Variants in RALYL observed in about 807,000 individuals in gnomAD.
RALYL encodes RALY RNA binding protein like, also known as RNA-binding Raly-like protein.
RALYL carries 29 observed loss-of-function variants against 35.1 expected under a neutral mutation model. That is an observed-to-expected ratio of 0.83 (90% CI 0.61 to 1.13). The LOEUF is 1.13. Ranked by LOEUF, RALYL falls within the 50% of genes most tolerant of loss-of-function variation. RALYL has a pLI of 0.00. For synonymous variants in RALYL, 120 were observed against 127.6 expected, an observed-to-expected ratio of 0.94 and a Z score of 0.40; for missense variants, 359 against 360.4, an observed-to-expected ratio of 1.00 and a Z score of 0.03.
At chr8:84,476,468 C>G (rs983498549) in intron 1 of RALYL, among the ~76,000 whole-genome samples, 3 of 152,160 alleles carry the variant, frequency 2.0e-5, no homozygotes, top group Non-Finnish European at 4.4e-5. Flanking sequence ...TTTATCTTAT[C>G]AAATTGCTGC....
At chr8:84,394,469 G>C (rs1012752500) in intron 1 of RALYL, among the ~76,000 whole-genome samples, 2 of 152,072 alleles carry the variant, frequency 1.3e-5, no homozygotes, top group African/African-American at 4.8e-5. Flanking sequence ...CATAGTGCAA[G>C]AATACAGTTT....
At position 84,824,403 on chromosome 8, in the gene RALYL, G is replaced by GA. The variant is rs1586571025; in HGVS notation, c.365+19607dup. Among the ~76,000 whole-genome samples, 3 of 152,168 alleles carry GA rather than the reference G, an allele frequency of 2.0e-5. No individual in the cohort carries two copies. In the East Asian group the frequency reaches 5.8e-4, roughly 29 times the overall value. The stretch of plus-strand genomic sequence containing the variant: ...AAAACATTCTATGGCTCATGAATTG[G>GA]AAAAAATCAATATCTTTAAAATGGC... On this transcript the variant is annotated intron_variant, in intron 4 of 8. Coordinates refer to ENST00000521268, the MANE Select transcript of RALYL (RefSeq NM_173848.7).
At chr8:84,368,072 C>T (rs1055013429) in intron 1 of RALYL, among the ~76,000 whole-genome samples, 1 of 152,168 alleles carries the variant, frequency 6.6e-6, no homozygotes, top group Non-Finnish European at 1.5e-5. Flanking sequence ...AAGTCTCCAA[C>T]TCGTGATACA....
intron 2 of RALYL, among the ~76,000 whole-genome samples, chr8:84,556,126 T>G (rs2061100536): frequency 6.6e-6 from 1 of 152,174 alleles, no homozygotes; most frequent in African/African-American, 2.4e-5. Flanking sequence ...TTAATGTGAT[T>G]AAGGACAAGA....
intron 2 of RALYL, among the ~76,000 whole-genome samples, chr8:84,536,168 T>G (rs186388884): frequency 6.6e-6 from 1 of 152,248 alleles, no homozygotes; most frequent in Admixed American, 6.5e-5. Flanking sequence ...ACACTGACTT[T>G]TAGAGGTGTG....
intron 1 of RALYL, among the ~76,000 whole-genome samples, chr8:84,437,981 G>C (rs2047924203): frequency 2.0e-5 from 3 of 152,060 alleles, no homozygotes; most frequent in African/African-American, 7.2e-5. Flanking sequence ...TTTCTTTATA[G>C]CAATGCAAGA....
At chr8:84,340,229 G>A (rs149471476) in intron 1 of RALYL, among the ~76,000 whole-genome samples, 1 of 151,888 alleles carries the variant, frequency 6.6e-6, no homozygotes, top group Non-Finnish European at 1.5e-5. Context: ...TATGAAAATG[G>A]ACTAATACAT....
intron 1 of RALYL, among the ~76,000 whole-genome samples, chr8:84,274,215 A>G (rs1834902153): frequency 6.6e-6 from 1 of 152,190 alleles, no homozygotes; most frequent in African/African-American, 2.4e-5. Flanking sequence ...GCCTCAGTTT[A>G]GGAAGCTATT....
intron 1 of RALYL, among the ~76,000 whole-genome samples, chr8:84,413,239 T>G (rs2044275812): frequency 6.6e-6 from 1 of 151,588 alleles, no homozygotes; most frequent in South Asian, 2.1e-4. Flanking sequence ...TTTTTAAAGA[T>G]CTAGGAACTT....
chr8:84,526,194 A>G (rs1443760041), intron 1 of RALYL, among the ~76,000 whole-genome samples: 1 of 151,946 alleles, frequency 6.6e-6, no homozygotes, highest in East Asian at 1.9e-4. Context: ...ACCTCAAGCC[A>G]TCTGCCCACC....
At chr8:84,397,914 C>A (rs906415834) in intron 1 of RALYL, among the ~76,000 whole-genome samples, 16 of 152,148 alleles carry the variant, frequency 1.1e-4, no homozygotes, top group Non-Finnish European at 2.4e-4. Flanking sequence ...TTTTGAAACT[C>A]TAGAGTTCAT....
chr8:84,892,724 C>T (rs530537319), intron 8 of RALYL, among the ~76,000 whole-genome samples: 1 of 150,574 alleles, frequency 6.6e-6, no homozygotes, highest in East Asian at 1.9e-4. Flanking sequence ...AGACAGATGA[C>T]TGATTTCCTC....
At chr8:84,711,985 G>C (rs1371962834) in intron 2 of RALYL, among the ~76,000 whole-genome samples, 2 of 151,940 alleles carry the variant, frequency 1.3e-5, no homozygotes, top group Non-Finnish European at 2.9e-5. Context: ...ATGTGATCTA[G>C]GTTTTAAAAC....
intron 2 of RALYL, among the ~76,000 whole-genome samples, chr8:84,745,297 T>C (rs1472861876): frequency 6.6e-6 from 1 of 152,070 alleles, no homozygotes; most frequent in Non-Finnish European, 1.5e-5. Flanking sequence ...AGTATTTATA[T>C]AGTTTTTAAT....
rs1586021997 is a variant in RALYL at position 84,188,481 on chromosome 8, T to A, written c.-24+4057T>A. Among the ~76,000 whole-genome samples the A allele has an allele frequency of 2.0e-5, 3 of 152,258 alleles. No homozygotes were observed. In the South Asian group the frequency reaches 6.2e-4, roughly 32 times the overall value. The stretch of plus-strand genomic sequence containing the variant: ...TGACCTGTACGAATGCTTGTAAAGA[T>A]GCCATTTCCATAATTCAGTTTGATT... On this transcript the variant is annotated intron_variant, in intron 1 of 8. Coordinates refer to ENST00000521268, the MANE Select transcript of RALYL (RefSeq NM_173848.7).
chr8:84,266,294 A>C, intron 1 of RALYL, among the ~76,000 whole-genome samples: 1 of 151,764 alleles, frequency 6.6e-6, no homozygotes, highest in African/African-American at 2.4e-5. Context: ...TTCAAACCCT[A>C]GTTCTCTTTT....
At chr8:84,734,443 T>G (rs1846851583) in intron 2 of RALYL, among the ~76,000 whole-genome samples, 1 of 152,188 alleles carries the variant, frequency 6.6e-6, no homozygotes, top group South Asian at 2.1e-4. Context: ...CCTTCACTAT[T>G]TCTTCATTGT....
chr8:84,549,787 C>T (rs2060598436), intron 2 of RALYL, among the ~76,000 whole-genome samples: 1 of 152,140 alleles, frequency 6.6e-6, no homozygotes, highest in African/African-American at 2.4e-5. Context: ...GAGGCCTGTC[C>T]AGTAAAGCCT....
intron 1 of RALYL, among the ~76,000 whole-genome samples, chr8:84,428,718 T>A (rs565382980): frequency 6.6e-6 from 1 of 152,304 alleles, no homozygotes; most frequent in East Asian, 1.9e-4. Flanking sequence ...ACAGTGTAAT[T>A]TGCAGATAAA....
Sources: allele counts gnomAD v4.1 joint callset (sites outside exome capture counted in the v4.1 genomes callset), GRCh38; gene constraint gnomAD v4.1.1; transcripts MANE v1.5; gene names NCBI Gene and HGNC (gene_info 2026-07-23, HGNC 2026-07-21).